Variants in FBXL17 observed in about 807,000 individuals in gnomAD.
FBXL17 encodes the protein F-box and leucine rich repeat protein 17, also known as F-box/LRR-repeat protein 17.
A neutral mutation model predicts 66.2 loss-of-function variants in FBXL17; 22 were observed. The observed-to-expected ratio is 0.33, with a 90% CI of 0.24 to 0.47. The LOEUF is 0.47. Among genes scored for constraint, FBXL17 ranks in the 20% least tolerant of loss-of-function variants. The probability of loss-of-function intolerance (pLI) is 1.00; values close to 1 mark genes in which losing one functional copy is unlikely to be tolerated. For missense variants in FBXL17, 878 were observed against 948.2 expected (o/e 0.93, Z 0.97); for synonymous variants, 474 against 400.5 (o/e 1.18, Z -2.19).
chr5:108,167,466 A>G (rs1442967859), intron 6 of FBXL17, among the ~76,000 whole-genome samples: 1 of 152,234 alleles, frequency 6.6e-6, no homozygotes, highest in Non-Finnish European at 1.5e-5. Context: ...TAGCAAGGTT[A>G]GTGAATGACC....
chr5:108,072,093 A>C (rs1045554419), intron 6 of FBXL17, among the ~76,000 whole-genome samples: 3 of 152,060 alleles, frequency 2.0e-5, no homozygotes, highest in Non-Finnish European at 4.4e-5. Context: ...TGGGTACTTC[A>C]CTTTGCCTGA....
At chr5:108,298,452 T>A (rs971898304) in intron 4 of FBXL17, 29 of 971,562 alleles carry the variant, frequency 3.0e-5, no homozygotes, top group African/African-American at 3.5e-5. Flanking sequence ...AAAACTTCAG[T>A]AGGCTTTAAA....
intron 4 of FBXL17, among the ~76,000 whole-genome samples, chr5:108,224,737 A>G (rs958183360): frequency 2.6e-5 from 4 of 151,956 alleles, no homozygotes; most frequent in Admixed American, 2.6e-4. Context: ...GACTACAAGC[A>G]TGCATCACCA....
intron 7 of FBXL17, among the ~76,000 whole-genome samples, chr5:107,931,060 A>G (rs893502913): frequency 2.0e-5 from 3 of 152,046 alleles, no homozygotes; most frequent in Non-Finnish European, 4.4e-5. Flanking sequence ...GGTTGTGCTG[A>G]GCAGTCGGTT....
At chr5:108,107,531 G>A (rs971360191) in intron 6 of FBXL17, among the ~76,000 whole-genome samples, 14 of 151,972 alleles carry the variant, frequency 9.2e-5, no homozygotes, top group African/African-American at 3.1e-4. Flanking sequence ...GAGAAATCTC[G>A]GCCAGGCACG....
At chr5:108,022,329 A>C (rs1214494514) in intron 6 of FBXL17, among the ~76,000 whole-genome samples, 2 of 151,974 alleles carry the variant, frequency 1.3e-5, no homozygotes, top group East Asian at 3.9e-4. Context: ...ATTCCACGTC[A>C]TTTGGTTATA....
At chr5:108,169,138 C>A (rs1434042466) in intron 6 of FBXL17, among the ~76,000 whole-genome samples, 3 of 152,104 alleles carry the variant, frequency 2.0e-5, no homozygotes, top group Non-Finnish European at 4.4e-5. Context: ...ACTATTATGT[C>A]CTACTTACAG....
chr5:107,995,981 T>G (rs1027790811), intron 7 of FBXL17, among the ~76,000 whole-genome samples: 3 of 152,038 alleles, frequency 2.0e-5, no homozygotes, highest in African/African-American at 7.2e-5. Flanking sequence ...CCTCAACAGA[T>G]CTATTCTTTT....
chr5:108,235,768 C>T (rs1163749066), intron 4 of FBXL17, among the ~76,000 whole-genome samples: 2 of 152,200 alleles, frequency 1.3e-5, no homozygotes, highest in African/African-American at 2.4e-5. Flanking sequence ...CTGTTCACTA[C>T]TCTAGCCCTA....
rs755986350 is a variant in FBXL17 at position 108,224,080 on chromosome 5, G to C, written c.1614+41C>G. On this transcript the variant is annotated intron_variant, in intron 5 of 8. Transcript: ENST00000542267. ...ACAATTTAGGGCTCATCACCTGTATGATACTCAAAAATACCAAGGAAAAGC... is the reference window on the plus strand; with the variant it reads ...ACAATTTAGGGCTCATCACCTGTATCATACTCAAAAATACCAAGGAAAAGC... 12 of 1,044,226 alleles carry C rather than the reference G, an allele frequency of 1.1e-5. No individual in the cohort carries two copies. The South Asian group carries it at 1.5e-4, about 13-fold the overall frequency. 64.7% of individuals were successfully genotyped at this position (1,044,226 alleles called of 1,614,324 possible). A position where few individuals can be genotyped will look rare whatever the true frequency, so the allele number is the denominator to read the frequency against.
rs376849305 is a variant in FBXL17, at chr5:108,144,566, C to T, written c.1745+41551G>A. Among the ~76,000 whole-genome samples the T allele has an allele frequency of 2.6e-4, 39 of 152,184 alleles. No individual in the cohort carries two copies. The East Asian group carries it at 7.3e-3, about 29-fold the overall frequency. Reference sequence around the variant, plus strand: ...GCAGATTTTTCTTTCAAAGATATACCACGTGTTCCAACATTTGTAATCATT... The same window carrying T: ...GCAGATTTTTCTTTCAAAGATATACTACGTGTTCCAACATTTGTAATCATT... On this transcript the variant is annotated intron_variant, in intron 6 of 8. Coordinates refer to ENST00000542267, the MANE Select transcript of FBXL17 (RefSeq NM_001163315.3).
chr5:108,081,141 A>G (rs1748746710), intron 6 of FBXL17, among the ~76,000 whole-genome samples: 1 of 152,144 alleles, frequency 6.6e-6, no homozygotes, highest in Admixed American at 6.5e-5. Flanking sequence ...TATTGCAACA[A>G]AGAGTCAGTT....
intron 8 of FBXL17, among the ~76,000 whole-genome samples, chr5:107,876,666 T>C (rs1748623193): frequency 6.6e-6 from 1 of 152,204 alleles, no homozygotes; most frequent in African/African-American, 2.4e-5. Context: ...CATTTTTCAT[T>C]AACCTTGAAC....
intron 7 of FBXL17, among the ~76,000 whole-genome samples, chr5:107,951,526 G>A (rs1751497667): frequency 6.6e-6 from 1 of 152,198 alleles, no homozygotes. Context: ...TACCCTGCTA[G>A]ACTGAATGCC....
At chr5:107,922,227 A>G (rs1027235235) in intron 7 of FBXL17, among the ~76,000 whole-genome samples, 32 of 152,196 alleles carry the variant, frequency 2.1e-4, no homozygotes, top group Non-Finnish European at 4.4e-5. Context: ...CTATGGGACT[A>G]TTTCTTCATG....
At chr5:108,377,429 A>C (rs1001710263) in intron 1 of FBXL17, among the ~76,000 whole-genome samples, 1 of 152,212 alleles carries the variant, frequency 6.6e-6, no homozygotes, top group Non-Finnish European at 1.5e-5. Flanking sequence ...TTTATCGACA[A>C]AGGTTTTTAC....
rs61340348 is a variant in FBXL17, at chr5:108,375,367, G to GCACACACACACACA, written c.993+5318_993+5331dup. 6.7e-5 allele frequency among the ~76,000 whole-genome samples: 10 copies of GCACACACACACACA among 148,850 alleles called. 1 individual carries two copies. In the East Asian group the frequency reaches 7.9e-4, roughly 12 times the overall value. On this transcript the variant is annotated intron_variant, in intron 1 of 8. Coordinates refer to ENST00000542267, the MANE Select transcript of FBXL17 (RefSeq NM_001163315.3). ...CTCAAGCCTGGGTGACAGAGACCCTGCACACACACACACACACACACACAC... is the reference window on the plus strand; with the variant it reads ...CTCAAGCCTGGGTGACAGAGACCCTGCACACACACACACACACACACACACACACACACACACAC...
rs1189345369 is a variant in FBXL17 at position 108,381,740 on chromosome 5, G to C, written c.-49C>G. ...CCGGGACGGGAGGGAGGGAGACCCA[G>C]AGAGGCGGGCTCCCGGCAGCGGGGC... On this transcript the variant is annotated 5_prime_UTR_variant, in exon 1 of 9. Coordinates refer to ENST00000542267, the MANE Select transcript of FBXL17 (RefSeq NM_001163315.3). 9 of 1,383,010 alleles carry C rather than the reference G, an allele frequency of 6.5e-6. No individual in the cohort carries two copies. The highest frequency in any genetic ancestry group is 8.4e-6 in the Non-Finnish European group (9 of 1,074,774). The allele number at this position is 1,383,010 out of a possible 1,614,324, so 85.7% of individuals were successfully genotyped here.
At chr5:108,258,934 A>ATG in intron 4 of FBXL17, among the ~76,000 whole-genome samples, 1 of 152,154 alleles carries the variant, frequency 6.6e-6, no homozygotes, top group East Asian at 1.9e-4. Context: ...AAAGCTAGAC[A>ATG]TAATAAAAGC....
Sources: gnomAD v4.1 joint callset for allele counts (sites outside exome capture counted in the v4.1 genomes callset) on GRCh38, gnomAD v4.1.1 for gene constraint, MANE v1.5 for transcripts, NCBI Gene and HGNC (gene_info 2026-07-23, HGNC 2026-07-21) for gene names.